Variants in KCNH3 observed in about 807,000 individuals in gnomAD.
The protein encoded by KCNH3 is potassium voltage-gated channel subfamily H member 3.
In KCNH3, 36 loss-of-function variants were observed where a neutral mutation model predicts 95.6. That is an observed-to-expected ratio of 0.38 (90% CI 0.29 to 0.50). The LOEUF is 0.50. Ranked by LOEUF, KCNH3 falls within the 20% of genes least tolerant of loss-of-function variation. KCNH3 has a pLI of 0.95. For synonymous variants in KCNH3, 620 were observed against 646.3 expected (o/e 0.96, Z 0.62); for missense variants, 1,030 against 1,484.1 (o/e 0.69, Z 5.03).
chr12:49,551,574 C>CAAAAAAAAA (rs59344956), intron 10 of KCNH3, among the ~76,000 whole-genome samples: 4 of 57,546 alleles, frequency 7.0e-5, no homozygotes, highest in African/African-American at 1.6e-4. Flanking sequence ...GACTCTGTCT[C>CAAAAAAAAA]AAAAAAAAAA....
intron 8 of KCNH3, 93 bp from the exon 9 acceptor site, chr12:49,549,348 C>T: frequency 6.6e-7 from 1 of 1,523,568 alleles, no homozygotes; most frequent in Non-Finnish European, 9.0e-7. Flanking sequence ...CAGGCCTTGC[C>T]TAGGAGCGTG....
At chr12:49,551,566 C>T (rs1938259503) in intron 10 of KCNH3, among the ~76,000 whole-genome samples, 1 of 126,428 alleles carries the variant, frequency 7.9e-6, no homozygotes, top group African/African-American at 3.3e-5. Context: ...ATAAGCGAGA[C>T]TCTGTCTCAA....
chr12:49,541,203 G>A, intron 2 of KCNH3, 71 bp downstream of exon 2: 1 of 1,119,780 alleles, frequency 8.9e-7, no homozygotes, highest in African/African-American at 1.5e-5. Context: ...CCCATCCACT[G>A]TCCCTCCTCC....
chr12:49,542,677 C>G (rs545526245), intron 3 of KCNH3, 29 bp from the exon 4 acceptor site: 6 of 1,548,986 alleles, frequency 3.9e-6, no homozygotes, highest in East Asian at 4.8e-5. Context: ...ACACACCCAT[C>G]ATCTTCATGG....
At chr12:49,552,715 A>G (rs914595226) in intron 10 of KCNH3, among the ~76,000 whole-genome samples, 2 of 152,168 alleles carry the variant, frequency 1.3e-5, no homozygotes, top group Admixed American at 6.6e-5. Flanking sequence ...TCTGGTCCTG[A>G]GACTCTGCCC....
intron 4 of KCNH3, 115 bp downstream of exon 4, chr12:49,542,954 C>A: frequency 7.4e-7 from 1 of 1,355,802 alleles, no homozygotes; most frequent in Non-Finnish European, 9.9e-7. Context: ...GCCTTGCCAG[C>A]ACTTTGGGGG....
At position 49,558,114 on chromosome 12, in the gene KCNH3, C is replaced by G. The variant is rs775351612; in HGVS notation, c.*161C>G. 33 of 751,276 alleles carry G rather than the reference C, an allele frequency of 4.4e-5. No individual in the cohort carries two copies. The highest frequency in any genetic ancestry group is 5.5e-5 in the Non-Finnish European group (29 of 524,986). The allele number at this position is 751,276 out of a possible 1,614,324, so 46.5% of individuals were successfully genotyped here. ...AAAGGAGGACCTGGCTCCTGACTCT[C>G]AGAGAGGATAGGCTGGATCCCTGGG... is the stretch of plus-strand genomic sequence containing the variant. On this transcript the variant is annotated 3_prime_UTR_variant, in exon 15 of 15. Transcript: ENST00000257981.
In KCNH3 at chr12:49,543,480, G is replaced by C. The variant is rs1417522552; in HGVS notation, c.785G>C (p.Ser262Thr). The C allele has an allele frequency of 2.5e-6, 4 of 1,600,658 alleles. No homozygotes were observed. In the East Asian group the frequency reaches 8.9e-5, roughly 36 times the overall value. The change falls in exon 5 of 15, where the codon AGC becomes ACC. Residue 262 changes from serine to threonine, a missense_variant. This residue lies in a region of KCNH3 where 153 missense variants were observed against 288.5 expected (regional missense o/e 0.53). Transcript: ENST00000257981. Reference sequence around the variant, plus strand: ...CCCAGTGCCGCCCGCGGCCCGCCCAGCGTCTGTGACCTGGCCGTGGAGGTC... The same window carrying C: ...CCCAGTGCCGCCCGCGGCCCGCCCACCGTCTGTGACCTGGCCGTGGAGGTC... ...REPSAARGPPSVCDLAVEVLF... is the reference protein window; with the variant it reads ...REPSAARGPPTVCDLAVEVLF...
intron 13 of KCNH3, chr12:49,556,808 A>G (rs1373889869): frequency 6.3e-6 from 4 of 639,032 alleles, no homozygotes; most frequent in Non-Finnish European, 1.2e-5. Context: ...CCTTAGCCCA[A>G]TCTCTGGCTA....
In KCNH3 at chr12:49,544,387, T is replaced by C. The variant is rs1440144452; in HGVS notation, c.1189+5T>C. The C allele has an allele frequency of 6.2e-7, 1 of 1,612,386 alleles. No homozygotes were observed. The highest frequency in any genetic ancestry group is 1.1e-5 in the South Asian group (1 of 91,046). On this transcript the variant is annotated splice_donor_5th_base_variant and intron_variant, in intron 7 of 14. Transcript: ENST00000257981. ...AATCCGAGCTGCCTGAGATTGGTACTGGAGGCTCCCTCTGCATGTGGTGGG... is the reference window on the plus strand; with the variant it reads ...AATCCGAGCTGCCTGAGATTGGTACCGGAGGCTCCCTCTGCATGTGGTGGG...
At position 49,544,164 on chromosome 12, in the gene KCNH3, C is replaced by G; in HGVS notation, c.982-11C>G. 1 of 1,597,776 alleles carries G rather than the reference C, an allele frequency of 6.3e-7. No individual in the cohort carries two copies. Among genetic ancestry groups the G allele is most frequent in the Non-Finnish European group, 8.5e-7 (1 of 1,175,260 alleles). On this transcript the variant is annotated splice_polypyrimidine_tract_variant and intron_variant, in intron 6 of 14. Transcript: ENST00000257981. ...CCTCCCTCCCTCCCTCCCTCCCTCC[C>G]CGCATCTCAGTACTTCGGGGCCCAT...
chr12:49,549,382 G>C, intron 8 of KCNH3, 59 bp from the exon 9 acceptor site: 1 of 1,582,914 alleles, frequency 6.3e-7, no homozygotes, highest in Non-Finnish European at 8.7e-7. Context: ...GATGAGCCCA[G>C]CGTGGTGTCA....
chr12:49,550,595 T>G (rs574947425), intron 10 of KCNH3, among the ~76,000 whole-genome samples: 1 of 152,234 alleles, frequency 6.6e-6, no homozygotes. Context: ...AGCCAGTCTA[T>G]GGGGGACAGA....
In KCNH3 at chr12:49,557,925, G is replaced by A; in HGVS notation, c.3224G>A (p.Trp1075Ter). The A allele has an allele frequency of 6.6e-7, 1 of 1,512,076 alleles. No individual in the cohort carries two copies. Among genetic ancestry groups the A allele is most frequent in the Non-Finnish European group, 8.8e-7 (1 of 1,130,386 alleles). The allele number at this position is 1,512,076 out of a possible 1,614,324, so 93.7% of individuals were successfully genotyped here. The change falls in exon 15 of 15, where the codon TGG becomes TAG. Residue 1075 changes from tryptophan to a stop codon, truncating the protein, a stop_gained. Coordinates refer to ENST00000257981, the MANE Select transcript of KCNH3 (RefSeq NM_012284.3). LOFTEE classifies it high-confidence loss of function. ...TGCCATGGCTCTGGCACAGTCCAGT[G>A]GACCCAGGAAGAAGGCACAGGGGTC... ...IGCHGSGTVQ[W>*]TQEEGTGV
intron 5 of KCNH3, 165 bp downstream of exon 5, chr12:49,543,683 AG>A: frequency 9.1e-7 from 1 of 1,103,376 alleles, no homozygotes; most frequent in Non-Finnish European, 1.3e-6. Flanking sequence ...TCTGCCACTT[AG>A]AAGTTATATG....
In KCNH3 at chr12:49,555,605, CCTCA is replaced by C; in HGVS notation, c.2137-12_2137-9del. 1 of 1,496,416 alleles carries C rather than the reference CCTCA, an allele frequency of 6.7e-7. No individual in the cohort carries two copies. The allele number at this position is 1,496,416 out of a possible 1,614,324, so 92.7% of individuals were successfully genotyped here. A position where few individuals can be genotyped will look rare whatever the true frequency, so the allele number is the denominator to read the frequency against. ...TGACCATCCATGCCGATTCCCTGTC[CCTCA>C]CTATCCCTAGGTGGACACCAGCTCC... On this transcript the variant is annotated splice_polypyrimidine_tract_variant and intron_variant, in intron 11 of 14. Coordinates refer to ENST00000257981, the MANE Select transcript of KCNH3 (RefSeq NM_012284.3).
intron 10 of KCNH3, among the ~76,000 whole-genome samples, chr12:49,551,196 T>C (rs2138157278): frequency 6.6e-6 from 1 of 152,240 alleles, no homozygotes; most frequent in East Asian, 1.9e-4. Flanking sequence ...GAAGCCATCG[T>C]TAGGAGGGTT....
Position 49,541,086 on chromosome 12 carries a change from C to T in KCNH3, c.264C>T (p.Asp88=), listed in dbSNP as rs1011814880. 7.4e-6 allele frequency: 12 copies of T among 1,610,930 alleles called. No individual in the cohort carries two copies. The highest frequency in any genetic ancestry group is 2.2e-5 in the East Asian group (1 of 44,880). The change falls in exon 2 of 15, where the codon GAC becomes GAT. Residue 88 remains aspartate (D), a synonymous_variant. Transcript: ENST00000257981. Reference sequence around the variant, plus strand: ...GCCAACAGATCCGCAAGGCCCTGGACGAGCACAAGGAGTTCAAGGCTGAGC... The same window carrying T: ...GCCAACAGATCCGCAAGGCCCTGGATGAGCACAAGGAGTTCAAGGCTGAGC... ...LVRQQIRKAL[D]EHKEFKAELI...
At chr12:49,551,655 C>T (rs1475258775) in intron 10 of KCNH3, among the ~76,000 whole-genome samples, 1 of 151,830 alleles carries the variant, frequency 6.6e-6, no homozygotes, top group Non-Finnish European at 1.5e-5. Flanking sequence ...TCACCGTGAC[C>T]CTAGAGGGCG....
Sources: allele counts gnomAD v4.1 joint callset (sites outside exome capture counted in the v4.1 genomes callset), GRCh38; gene constraint gnomAD v4.1.1; regional missense constraint gnomAD v4.1.1; transcripts MANE v1.5; gene names NCBI Gene and HGNC (gene_info 2026-07-23, HGNC 2026-07-21).